MYCBP2: variants seen among roughly 807,000 people sequenced by gnomAD.
The protein encoded by MYCBP2 is MYC binding protein 2.
MYCBP2 carries 120 observed loss-of-function variants against 525.3 expected under a neutral mutation model. That is an observed-to-expected ratio of 0.23 (90% CI 0.20 to 0.27). The LOEUF (loss-of-function observed/expected upper bound fraction) is 0.27. MYCBP2 is among the 10% of genes least tolerant of loss of function. The probability of loss-of-function intolerance (pLI) is 1.00; values close to 1 mark genes in which losing one functional copy is unlikely to be tolerated. For synonymous variants in MYCBP2, 1,894 were observed against 1,955.8 expected (o/e 0.97, Z 0.83); for missense variants, 4,149 against 5,657.1 (o/e 0.73, Z 8.55).
intron 56 of MYCBP2, among the ~76,000 whole-genome samples, chr13:77,097,029 G>A (rs568424805): frequency 9.9e-5 from 15 of 152,154 alleles, no homozygotes; most frequent in Non-Finnish European, 2.1e-4. Context: ...ATTCTGAACA[G>A]GAAAATAGTA....
Position 77,097,206 on chromosome 13 carries a change from C to G in MYCBP2, c.9784+164G>C, listed in dbSNP as rs529708204. 2.6e-5 allele frequency among the ~76,000 whole-genome samples: 4 copies of G among 152,278 alleles called. No homozygotes were observed. In the South Asian group the frequency reaches 8.3e-4, roughly 32 times the overall value. On this transcript the variant is annotated intron_variant, in intron 56 of 82. Coordinates refer to ENST00000544440, the MANE Select transcript of MYCBP2 (RefSeq NM_015057.5). ...TGGCCATCATAATATTAGAATTTAT[C>G]TGTTTTTCACAAAACCCTGTACTGA...
chr13:77,185,747 C>A (rs897752531), intron 31 of MYCBP2, 124 bp downstream of exon 31: 16 of 660,992 alleles, frequency 2.4e-5, no homozygotes, highest in Non-Finnish European at 1.2e-5. Flanking sequence ...CTGACTTTCT[C>A]CCCTCATTTT....
intron 7 of MYCBP2, among the ~76,000 whole-genome samples, chr13:77,268,865 T>C (rs934764353): frequency 6.6e-6 from 1 of 152,204 alleles, no homozygotes; most frequent in Admixed American, 6.5e-5. Context: ...GTAATTTCCA[T>C]AGTTTTCAAA....
chr13:77,068,574 G>A lies in MYCBP2; in HGVS notation c.12162C>T (p.Val4054=). Residue 4054 remains valine (V), a synonymous_variant, in exon 70 of 83, where the codon GTC becomes GTT. Transcript: ENST00000544440. The part of the protein sequence containing the change: ...FSLLHTASPR[V]QRQVTSLLRR... ...TAGTGTGATCAGTCACCTGTCTCTG[G>A]ACTCTAGGAGAGGCTGTGTGAAGCA... 6.2e-7 allele frequency: 1 copy of A among 1,614,024 alleles called. No individual in the cohort carries two copies. Among genetic ancestry groups the A allele is most frequent in the South Asian group, 1.1e-5 (1 of 91,058 alleles).
chr13:77,056,159 T>TGTGTGTGTGTGTG (rs2037999585), intron 79 of MYCBP2, among the ~76,000 whole-genome samples: 7 of 146,080 alleles, frequency 4.8e-5, no homozygotes, highest in South Asian at 2.2e-4. Context: ...TGTGTGTGTG[T>TGTGTGTGTGTGTG]TTTGCTTCCT....
chr13:77,091,011 T>C (rs1328978929), intron 59 of MYCBP2, among the ~76,000 whole-genome samples: 1 of 152,200 alleles, frequency 6.6e-6, no homozygotes, highest in Non-Finnish European at 1.5e-5. Flanking sequence ...ACTATTCTTT[T>C]CGTGAGCTCC....
intron 1 of MYCBP2, among the ~76,000 whole-genome samples, chr13:77,305,548 G>A (rs2079307377): frequency 6.6e-6 from 1 of 152,072 alleles, no homozygotes. Flanking sequence ...AATAGAAACT[G>A]ACTGCTAATA....
At chr13:77,307,625 CAAAAAA>C (rs763388200) in intron 1 of MYCBP2, among the ~76,000 whole-genome samples, 4 of 30,120 alleles carry the variant, frequency 1.3e-4, no homozygotes, top group African/African-American at 5.2e-4. Flanking sequence ...GACCCTGTCT[CAAAAAA>C]AAAAAAAAAA....
At chr13:77,144,312 A>C (rs2055170993) in intron 49 of MYCBP2, 133 bp downstream of exon 49, 1 of 645,086 alleles carries the variant, frequency 1.6e-6, no homozygotes, top group African/African-American at 1.8e-5. Flanking sequence ...TGAAAGAGAA[A>C]ACAAGGCCTC....
At chr13:77,275,217 C>G (rs1411224769) in intron 4 of MYCBP2, among the ~76,000 whole-genome samples, 1 of 152,140 alleles carries the variant, frequency 6.6e-6, no homozygotes, top group African/African-American at 2.4e-5. Context: ...GAAAATAAGG[C>G]TATTTAAAAA....
chr13:77,054,603 C>CTT (rs113625592), intron 80 of MYCBP2, among the ~76,000 whole-genome samples: 18 of 140,106 alleles, frequency 1.3e-4, no homozygotes, highest in South Asian at 9.2e-4. Flanking sequence ...TTGGTAAAGT[C>CTT]TTTTTTTTTT....
At chr13:77,212,568 T>C (rs917555189) in intron 21 of MYCBP2, among the ~76,000 whole-genome samples, 1 of 152,202 alleles carries the variant, frequency 6.6e-6, no homozygotes. Flanking sequence ...AGAAAGTCAC[T>C]ATTGAACTCA....
At chr13:77,155,964 A>C in intron 46 of MYCBP2, 94 bp downstream of exon 46, 1 of 1,226,184 alleles carries the variant, frequency 8.2e-7, no homozygotes, top group Non-Finnish European at 1.1e-6. Context: ...AGAGGGTAGA[A>C]CAAATGGACT....
rs912429521 is a variant in MYCBP2, at chr13:77,153,079, A to T, written c.6916-2130T>A. 1.8e-4 allele frequency among the ~76,000 whole-genome samples: 28 copies of T among 151,976 alleles called. No homozygotes were observed. In the South Asian group the frequency reaches 5.6e-3, roughly 31 times the overall value. ...GACTCTGTCTCAAAAAAAAAAAAAA[A>T]AAAAAAAAATCTGCTGTATTCACGC... On this transcript the variant is annotated intron_variant, in intron 46 of 82. Coordinates refer to ENST00000544440, the MANE Select transcript of MYCBP2 (RefSeq NM_015057.5).
rs398023536 is a variant in MYCBP2, at chr13:77,326,240, G to GACACAC, written c.302+228_302+233dup. Among the ~76,000 whole-genome samples, 3,667 of 127,800 alleles carry GACACAC rather than the reference G, an allele frequency of 0.029. 69 individuals are homozygous for GACACAC. Among genetic ancestry groups the GACACAC allele is most frequent in the African/African-American group, 0.039 (1,325 of 33,660 alleles). The allele number at this position is 127,800 out of a possible 152,430, so 83.8% of individuals were successfully genotyped here. On this transcript the variant is annotated intron_variant, in intron 1 of 82. Coordinates refer to ENST00000544440, the MANE Select transcript of MYCBP2 (RefSeq NM_015057.5). This position sits in a 1 kb window ranked among gnomAD's most constrained non-coding sequence, Gnocchi z 4.2. ...CACTATCCCCCCACATAGGCAGGCA[G>GACACAC]ACACACACACACACACACACACACA... is the stretch of plus-strand genomic sequence containing the variant.
intron 55 of MYCBP2, among the ~76,000 whole-genome samples, chr13:77,116,852 G>A (rs1184060280): frequency 6.6e-6 from 1 of 151,976 alleles, no homozygotes; most frequent in Non-Finnish European, 1.5e-5. Context: ...AATTAAAATG[G>A]TAATTATGCT....
intron 67 of MYCBP2, 74 bp from the exon 68 acceptor site, chr13:77,076,923 TG>T (rs2042409097): frequency 8.1e-7 from 1 of 1,231,778 alleles, no homozygotes; most frequent in South Asian, 1.3e-5. Flanking sequence ...ACTCATTAGC[TG>T]ATTCCGCAGG....
chr13:77,082,890 C>A (rs1428348484), intron 63 of MYCBP2, 142 bp downstream of exon 63: 1 of 687,474 alleles, frequency 1.5e-6, no homozygotes, highest in Non-Finnish European at 2.2e-6. Flanking sequence ...AAAATTATGA[C>A]TGTAAGGAGG....
intron 42 of MYCBP2, 55 bp downstream of exon 42, chr13:77,165,218 T>C: frequency 1.4e-6 from 2 of 1,444,384 alleles, no homozygotes; most frequent in Non-Finnish European, 1.9e-6. Flanking sequence ...CACAACTCAC[T>C]AGCCCTTAGA....
Sources: allele counts gnomAD v4.1 joint callset (sites outside exome capture counted in the v4.1 genomes callset), GRCh38; gene constraint gnomAD v4.1.1; non-coding constraint Gnocchi (gnomAD v3.1); transcripts MANE v1.5; gene names NCBI Gene and HGNC (gene_info 2026-07-23, HGNC 2026-07-21).